Variants in SHANK2 observed in about 807,000 individuals in gnomAD.
SHANK2 encodes the protein SH3 and multiple ankyrin repeat domains protein 2.
A neutral mutation model predicts 133.7 loss-of-function variants in SHANK2; 43 were observed. That is an observed-to-expected ratio of 0.32 (90% confidence interval 0.25 to 0.41). The LOEUF (loss-of-function observed/expected upper bound fraction) is 0.41, where lower values mean the gene tolerates loss of function less well. SHANK2 is among the 10% of genes least tolerant of loss of function. The probability of loss-of-function intolerance (pLI) is 1.00; values close to 1 mark genes in which losing one functional copy is unlikely to be tolerated. For missense variants in SHANK2, 1,994 were observed against 2,235.8 expected (o/e 0.89, Z 2.18); for synonymous variants, 1,017 against 952.8 (o/e 1.07, Z -1.24).
intron 2 of SHANK2, among the ~76,000 whole-genome samples, chr11:71,167,244 C>T (rs1339439932): frequency 6.6e-6 from 1 of 152,216 alleles, no homozygotes; most frequent in Non-Finnish European, 1.5e-5. Context: ...ACCTTTCCCC[C>T]CTTTCTATTC....
intron 16 of SHANK2, among the ~76,000 whole-genome samples, chr11:70,661,277 C>T (rs1388652889): frequency 6.6e-6 from 1 of 152,092 alleles, no homozygotes; most frequent in Non-Finnish European, 1.5e-5. Context: ...ACTGACCACC[C>T]CATCATTTAA....
At chr11:70,900,777 G>A (rs1040452831) in intron 10 of SHANK2, among the ~76,000 whole-genome samples, 22 of 152,100 alleles carry the variant, frequency 1.4e-4, no homozygotes, top group Admixed American at 2.6e-4. Flanking sequence ...GGCACTGCCC[G>A]CCCTATGCTT....
chr11:71,229,744 G>C (rs1259756173), intron 1 of SHANK2, among the ~76,000 whole-genome samples: 1 of 141,606 alleles, frequency 7.1e-6, no homozygotes, highest in Non-Finnish European at 1.5e-5. Context: ...TGGCAACAGA[G>C]TGAGACTCCA....
intron 14 of SHANK2, among the ~76,000 whole-genome samples, chr11:70,741,041 A>G (rs1433667315): frequency 6.6e-6 from 1 of 152,156 alleles, no homozygotes; most frequent in East Asian, 1.9e-4. Flanking sequence ...ACTTCCGCTC[A>G]TCCCATCTGT....
intron 1 of SHANK2, among the ~76,000 whole-genome samples, chr11:71,235,258 C>A (rs1308832148): frequency 1.3e-5 from 2 of 152,112 alleles, no homozygotes; most frequent in African/African-American, 4.8e-5. Context: ...TCTGGCCCCA[C>A]TAGCTGAGCT....
intron 10 of SHANK2, among the ~76,000 whole-genome samples, chr11:70,945,726 C>G (rs1238785812): frequency 6.6e-6 from 1 of 152,190 alleles, no homozygotes; most frequent in African/African-American, 2.4e-5. Context: ...ACTTTAGACT[C>G]CTGAGACACT....
chr11:70,894,784 C>T (rs1565389814), intron 11 of SHANK2, among the ~76,000 whole-genome samples: 1 of 152,134 alleles, frequency 6.6e-6, no homozygotes, highest in African/African-American at 2.4e-5. Flanking sequence ...CAACCCCTGT[C>T]GTCATGGGCG....
At chr11:70,832,404 A>C (rs573355843) in intron 11 of SHANK2, among the ~76,000 whole-genome samples, 214 of 152,310 alleles carry the variant, frequency 1.4e-3, no homozygotes, top group Non-Finnish European at 1.6e-3. Flanking sequence ...TGATCCAGGC[A>C]GCAGACAGAC....
At chr11:71,207,032 G>A (rs1954140128) in intron 2 of SHANK2, among the ~76,000 whole-genome samples, 1 of 151,770 alleles carries the variant, frequency 6.6e-6, no homozygotes, top group Admixed American at 6.6e-5. Context: ...GGTGCAGCAA[G>A]CTATGACTGG....
chr11:70,668,708 G>A lies in SHANK2; in HGVS notation c.1854-7030C>T, dbSNP rs111586036. 1,240 of 152,580 alleles carry A rather than the reference G, an allele frequency of 8.1e-3. 26 individuals carry two copies. The highest frequency in any genetic ancestry group is 0.066 in the South Asian group (318 of 4,834). 9.5% of individuals were successfully genotyped at this position (152,580 alleles called of 1,614,324 possible). ...GCACCTGGAAGACTTCCTGGAGGAG[G>A]AGGACTGAAGTATACATAGGAGAAT... On this transcript the variant is annotated intron_variant, in intron 15 of 25. Transcript: ENST00000601538.
intron 17 of SHANK2, among the ~76,000 whole-genome samples, chr11:70,627,021 A>G (rs2060914404): frequency 6.6e-6 from 1 of 152,146 alleles, no homozygotes; most frequent in African/African-American, 2.4e-5. Flanking sequence ...CGCAGCCGTG[A>G]AGGTCAGATG....
At chr11:71,193,194 G>C (rs547148273) in intron 2 of SHANK2, among the ~76,000 whole-genome samples, 1 of 152,090 alleles carries the variant, frequency 6.6e-6, no homozygotes, top group African/African-American at 2.4e-5. Flanking sequence ...CCAAAGGCAC[G>C]GGCCCCAGTG....
At chr11:70,530,353 C>G (rs1254159304) in intron 17 of SHANK2, among the ~76,000 whole-genome samples, 3 of 152,068 alleles carry the variant, frequency 2.0e-5, no homozygotes, top group African/African-American at 4.8e-5. Flanking sequence ...CTGGGCAACA[C>G]AGTGAGACAC....
At chr11:71,124,986 G>T (rs1250159748) in intron 3 of SHANK2, among the ~76,000 whole-genome samples, 1 of 152,118 alleles carries the variant, frequency 6.6e-6, no homozygotes, top group Non-Finnish European at 1.5e-5. Flanking sequence ...TGTGGTCAGT[G>T]ATCTTTGATG....
At chr11:70,912,567 G>A (rs1555079232) in intron 10 of SHANK2, among the ~76,000 whole-genome samples, 1 of 152,140 alleles carries the variant, frequency 6.6e-6, no homozygotes, top group African/African-American at 2.4e-5. Context: ...CTCCTGCCAT[G>A]ATTCTGAGGC....
intron 17 of SHANK2, among the ~76,000 whole-genome samples, chr11:70,525,672 C>T (rs1489156284): frequency 6.6e-6 from 1 of 152,010 alleles, no homozygotes; most frequent in East Asian, 1.9e-4. Flanking sequence ...GGAACGGAGC[C>T]CTGGCACCCC....
chr11:71,087,922 C>A (rs1444747176), intron 8 of SHANK2, among the ~76,000 whole-genome samples: 3 of 152,208 alleles, frequency 2.0e-5, no homozygotes, highest in Non-Finnish European at 4.4e-5. Context: ...AGCCACCGCA[C>A]CTGGCTGCAT....
chr11:70,611,169 G>A (rs2060652220), intron 17 of SHANK2, among the ~76,000 whole-genome samples: 1 of 152,234 alleles, frequency 6.6e-6, no homozygotes, highest in African/African-American at 2.4e-5. Flanking sequence ...GGAGTTTGGA[G>A]GTTCTCAGAT....
intron 14 of SHANK2, among the ~76,000 whole-genome samples, chr11:70,714,013 C>T (rs1555026735): frequency 1.3e-5 from 2 of 152,220 alleles, no homozygotes; most frequent in East Asian, 1.9e-4. Flanking sequence ...CAAGCAGCAG[C>T]TCCTCCCTCT....
Sources: gnomAD v4.1 joint callset for allele counts (sites outside exome capture counted in the v4.1 genomes callset) on GRCh38, gnomAD v4.1.1 for gene constraint, MANE v1.5 for transcripts, NCBI Gene and HGNC (gene_info 2026-07-23, HGNC 2026-07-21) for gene names.